Variants in NEK11 observed in about 807,000 individuals in gnomAD.
NEK11 encodes NIMA related kinase 11.
Under a neutral mutation model 80.7 loss-of-function variants are expected in NEK11, and 72 were observed. That is an observed-to-expected ratio of 0.89 (90% CI 0.74 to 1.08). The LOEUF is 1.08. NEK11 is among the 50% of genes least tolerant of loss of function. The pLI, the probability that NEK11 is intolerant of heterozygous loss-of-function variation, is 0.00. For missense variants in NEK11, 764 were observed against 763.6 expected (o/e 1.00, Z -0.01); for synonymous variants, 251 against 260.7 (o/e 0.96, Z 0.36).
intron 12 of NEK11, among the ~76,000 whole-genome samples, chr3:131,167,419 T>TAGTTTCAA (rs1266661963): frequency 1.3e-5 from 2 of 152,254 alleles, no homozygotes; most frequent in Non-Finnish European, 2.9e-5. Flanking sequence ...AAAAGAAATG[T>TAGTTTCAA]AGTTTCAAGT....
chr3:131,041,935 G>A (rs1826528), intron 3 of NEK11, among the ~76,000 whole-genome samples: 2,102 of 152,278 alleles, frequency 0.014, 44 homozygotes, highest in African/African-American at 0.048. Flanking sequence ...TTAGATGTGG[G>A]TACAGCCCAC....
intron 14 of NEK11, among the ~76,000 whole-genome samples, chr3:131,197,737 C>T (rs931350174): frequency 2.6e-5 from 4 of 152,128 alleles, no homozygotes; most frequent in Admixed American, 6.5e-5. Flanking sequence ...AGTATGTCCT[C>T]GTGAGGTTCC....
Position 131,349,564 on chromosome 3 carries a change from A to G in NEK11, c.1726A>G (p.Met576Val). The G allele has an allele frequency of 6.2e-7, 1 of 1,613,768 alleles. No individual in the cohort carries two copies. Among genetic ancestry groups the G allele is most frequent in the Non-Finnish European group, 8.5e-7 (1 of 1,179,748 alleles). ...TTGTAACTTTTTTGACAGATCAGCCATGCAGAAGCTGGGGACAGAAGTATT... is the reference window on the plus strand; with the variant it reads ...TTGTAACTTTTTTGACAGATCAGCCGTGCAGAAGCTGGGGACAGAAGTATT... ...TKMKRMRESA[M>V]QKLGTEVFEE... is the part of the protein sequence containing the mutation. The change falls in exon 18 of 18, where the codon ATG (methionine) becomes GTG (valine). Residue 576 changes from methionine (M) to valine (V), a missense_variant. Coordinates refer to ENST00000383366, the MANE Select transcript of NEK11 (RefSeq NM_024800.5).
rs2096234260 is a variant in NEK11 at position 131,273,339 on chromosome 3, A to G, written c.1622-139A>G. The G allele has an allele frequency of 6.5e-6, 4 of 613,168 alleles. No homozygotes were observed. In the East Asian group the frequency reaches 1.1e-4, roughly 17 times the overall value. 38.0% of individuals were successfully genotyped at this position (613,168 alleles called of 1,614,324 possible). ...AAATCTTCTTAATGTGCGTGTTATA[A>G]TTGAATTCATCTCTAATTAATGTAG... On this transcript the variant is annotated intron_variant, in intron 16 of 17. Coordinates refer to ENST00000383366, the MANE Select transcript of NEK11 (RefSeq NM_024800.5).
At chr3:131,070,906 A>G (rs1218418719) in intron 3 of NEK11, among the ~76,000 whole-genome samples, 1 of 152,180 alleles carries the variant, frequency 6.6e-6, no homozygotes, top group Non-Finnish European at 1.5e-5. Context: ...ACTTCAATTG[A>G]TTGAGGTACT....
At chr3:131,308,058 T>G (rs1371232220) in intron 17 of NEK11, among the ~76,000 whole-genome samples, 1 of 152,234 alleles carries the variant, frequency 6.6e-6, no homozygotes, top group African/African-American at 2.4e-5. Context: ...GAGGAATAAA[T>G]GACAGGAATG....
chr3:131,125,529 T>G (rs1453781004), intron 5 of NEK11, among the ~76,000 whole-genome samples: 2 of 152,192 alleles, frequency 1.3e-5, no homozygotes, highest in African/African-American at 4.8e-5. Context: ...AATAATTCTT[T>G]AGTAAAGTGA....
chr3:131,030,996 A>G (rs905003963), intron 3 of NEK11, among the ~76,000 whole-genome samples: 8 of 152,140 alleles, frequency 5.3e-5, no homozygotes, highest in Non-Finnish European at 1.0e-4. Flanking sequence ...CCCATAATAT[A>G]TTGTTTTCTT....
chr3:131,349,852 T>C lies in NEK11; in HGVS notation c.*76T>C. ...TTCATTTAACATATAAGCTGAACTC[T>C]ATTATGGGGAATGGATACAAAAGCA... On this transcript the variant is annotated 3_prime_UTR_variant, in exon 18 of 18. Transcript: ENST00000383366. The C allele has an allele frequency of 9.1e-7, 1 of 1,097,800 alleles. No individual in the cohort carries two copies. Among genetic ancestry groups the C allele is most frequent in the East Asian group, 2.4e-5 (1 of 41,580 alleles). The allele number at this position is 1,097,800 out of a possible 1,614,324, so 68.0% of individuals were successfully genotyped here.
rs556644044 is a variant in NEK11 at position 131,305,933 on chromosome 3, C to T, written c.1718+32359C>T. Reference sequence around the variant, plus strand: ...AGTGTCCCAGTCTTCCCAGTGTCCCCGTCTCTTGATGGGATATGTTCCTCT... The same window carrying T: ...AGTGTCCCAGTCTTCCCAGTGTCCCTGTCTCTTGATGGGATATGTTCCTCT... On this transcript the variant is annotated intron_variant, in intron 17 of 17. Transcript: ENST00000383366. Among the ~76,000 whole-genome samples the T allele has an allele frequency of 2.6e-5, 4 of 152,218 alleles. No individual in the cohort carries two copies. The East Asian group carries it at 5.8e-4, about 22-fold the overall frequency.
intron 16 of NEK11, among the ~76,000 whole-genome samples, chr3:131,269,662 C>A (rs1202721832): frequency 6.6e-6 from 1 of 151,604 alleles, no homozygotes; most frequent in Non-Finnish European, 1.5e-5. Context: ...CTGACTGGAG[C>A]TGTTCCTATT....
At chr3:131,136,112 G>A (rs1244861973) in intron 7 of NEK11, among the ~76,000 whole-genome samples, 3 of 151,670 alleles carry the variant, frequency 2.0e-5, no homozygotes. Flanking sequence ...GGATTTTAAT[G>A]TGTTTCTCTG....
intron 15 of NEK11, among the ~76,000 whole-genome samples, chr3:131,237,947 G>A (rs537187987): frequency 1.9e-4 from 29 of 152,150 alleles, no homozygotes; most frequent in African/African-American, 6.3e-4. Context: ...TAACCCTCCC[G>A]TCTCATTCAA....
At chr3:131,158,193 C>T (rs774298292) in intron 10 of NEK11, among the ~76,000 whole-genome samples, 9 of 152,068 alleles carry the variant, frequency 5.9e-5, no homozygotes, top group African/African-American at 1.2e-4. Context: ...TCATAGCTCC[C>T]GTACTGCTGA....
intron 14 of NEK11, among the ~76,000 whole-genome samples, chr3:131,203,463 A>G (rs1461005980): frequency 1.3e-5 from 2 of 150,904 alleles, no homozygotes; most frequent in African/African-American, 4.9e-5. Flanking sequence ...TAGCATTAGG[A>G]GATATACCTA....
intron 17 of NEK11, among the ~76,000 whole-genome samples, chr3:131,317,620 T>C (rs1031765889): frequency 1.3e-5 from 2 of 151,442 alleles, no homozygotes; most frequent in Non-Finnish European, 2.9e-5. Flanking sequence ...TCTGACCAGC[T>C]GTGGTGGCTC....
At chr3:131,241,869 A>G (rs1177204201) in intron 15 of NEK11, among the ~76,000 whole-genome samples, 1 of 152,140 alleles carries the variant, frequency 6.6e-6, no homozygotes, top group African/African-American at 2.4e-5. Flanking sequence ...GTTTGTATTA[A>G]TAGCAGTGGG....
chr3:131,302,668 T>A (rs1004171399), intron 17 of NEK11, among the ~76,000 whole-genome samples: 1 of 152,210 alleles, frequency 6.6e-6, no homozygotes, highest in Non-Finnish European at 1.5e-5. Flanking sequence ...TTTTTAGAGA[T>A]CTCCTTAGAG....
At chr3:131,086,021 A>T (rs2075936408) in intron 4 of NEK11, among the ~76,000 whole-genome samples, 1 of 152,098 alleles carries the variant, frequency 6.6e-6, no homozygotes, top group Non-Finnish European at 1.5e-5. Flanking sequence ...TCACGATTAG[A>T]TTGAGGTTAC....
Sources: gnomAD v4.1 joint callset for allele counts (sites outside exome capture counted in the v4.1 genomes callset) on GRCh38, gnomAD v4.1.1 for gene constraint, MANE v1.5 for transcripts, NCBI Gene and HGNC (gene_info 2026-07-23, HGNC 2026-07-21) for gene names.